The following GOLPH3 variants were observed in gnomAD, a reference collection of about 807,000 sequenced individuals.
GOLPH3 encodes the protein coat protein GPP34.
A neutral mutation model predicts 28.5 loss-of-function variants in GOLPH3; 14 were observed. That is an observed-to-expected ratio of 0.49 (90% CI 0.32 to 0.77). The LOEUF is 0.77. GOLPH3 is among the 30% of genes least tolerant of loss of function. GOLPH3 has a pLI of 0.03. For synonymous variants in GOLPH3, 158 were observed against 159.2 expected (o/e 0.99, Z 0.06); for missense variants, 350 against 393.7 (o/e 0.89, Z 0.94).
chr5:32,169,340 TG>T (rs1746782359), intron 1 of GOLPH3, among the ~76,000 whole-genome samples: 1 of 152,060 alleles, frequency 6.6e-6, no homozygotes, highest in South Asian at 2.1e-4. Context: ...AGCGAAGACC[TG>T]GGGAGGAGTT....
chr5:32,151,508 C>G (rs765484200), intron 1 of GOLPH3, among the ~76,000 whole-genome samples: 1 of 151,604 alleles, frequency 6.6e-6, no homozygotes, highest in Non-Finnish European at 1.5e-5. Flanking sequence ...GATCCTGTCT[C>G]AAAAAAATAT....
intron 1 of GOLPH3, among the ~76,000 whole-genome samples, chr5:32,147,987 G>C (rs967833728): frequency 6.6e-6 from 1 of 152,134 alleles, no homozygotes; most frequent in Non-Finnish European, 1.5e-5. Flanking sequence ...CTGGCAATTA[G>C]TAATTACTTA....
chr5:32,173,887 C>T lies in GOLPH3; in HGVS notation c.148G>A (p.Asp50Asn). ...AQSRRDEQDD[D>N]DKGDSKETRL... ...GTTTCCTTGGAGTCGCCCTTGTCGT[C>T]GTCGTCCTGCTCGTCGCGGCGGCTC... The change falls in exon 1 of 4, where the codon GAC (aspartate) becomes AAC (asparagine). Residue 50 changes from aspartate (D) to asparagine (N), a missense_variant. Transcript: ENST00000265070. 1 of 1,524,202 alleles carries T rather than the reference C, an allele frequency of 6.6e-7. No homozygotes were observed. 94.4% of individuals were successfully genotyped at this position (1,524,202 alleles called of 1,614,324 possible).
chr5:32,127,825 A>G (rs1745716096), intron 3 of GOLPH3, among the ~76,000 whole-genome samples: 2 of 152,198 alleles, frequency 1.3e-5, no homozygotes. Context: ...TCCATAAAAT[A>G]TACGAAAAAA....
chr5:32,143,498 C>G (rs984394282), intron 2 of GOLPH3, among the ~76,000 whole-genome samples: 5 of 151,786 alleles, frequency 3.3e-5, no homozygotes, highest in Non-Finnish European at 7.4e-5. Flanking sequence ...TAAATAAAAG[C>G]TGCAAATGAA....
chr5:32,135,543 TG>T, intron 3 of GOLPH3, 28 bp downstream of exon 3: 1 of 1,288,932 alleles, frequency 7.8e-7, no homozygotes, highest in Non-Finnish European at 1.1e-6. Context: ...AAACAGAAGT[TG>T]GTTTTTGGTT....
chr5:32,126,696 T>A, intron 3 of GOLPH3, 60 bp from the exon 4 acceptor site: 1 of 1,329,520 alleles, frequency 7.5e-7, no homozygotes, highest in South Asian at 1.4e-5. Flanking sequence ...TTTGCAAAAA[T>A]TTTGTACTAT....
At chr5:32,162,502 A>G (rs2111889051) in intron 1 of GOLPH3, among the ~76,000 whole-genome samples, 1 of 152,182 alleles carries the variant, frequency 6.6e-6, no homozygotes, top group African/African-American at 2.4e-5. Flanking sequence ...AAAAAAAAAA[A>G]AAATTAAAAT....
chr5:32,139,528 ATCTT>A (rs1480693155), intron 2 of GOLPH3, among the ~76,000 whole-genome samples: 3 of 152,212 alleles, frequency 2.0e-5, no homozygotes, highest in Non-Finnish European at 4.4e-5. Context: ...CTCCTCACTG[ATCTT>A]TCTAACAGAC....
At chr5:32,128,555 C>A (rs899824202) in intron 3 of GOLPH3, among the ~76,000 whole-genome samples, 4 of 151,990 alleles carry the variant, frequency 2.6e-5, no homozygotes, top group South Asian at 2.1e-4. Context: ...GCTACTCGGA[C>A]GGCTGAGGCA....
At chr5:32,171,311 A>G (rs1173693328) in intron 1 of GOLPH3, among the ~76,000 whole-genome samples, 1 of 152,140 alleles carries the variant, frequency 6.6e-6, no homozygotes, top group African/African-American at 2.4e-5. Flanking sequence ...AAAATTTCAT[A>G]ATGTTTTAAG....
Position 32,126,276 on chromosome 5 carries a change from A to G in GOLPH3, c.833T>C (p.Val278Ala). 1.9e-6 allele frequency: 3 copies of G among 1,614,166 alleles called. No homozygotes were observed. Among genetic ancestry groups the G allele is most frequent in the Non-Finnish European group, 2.5e-6 (3 of 1,180,022 alleles). Reference protein sequence around the residue: ...VRQLLDLDPEVECLKANTNEV... With the variant: ...VRQLLDLDPEAECLKANTNEV... ...ATTGGTGTTGGCCTTCAGACATTCC[A>G]CTTCAGGGTCTAAGTCGAGAAGCTG... The change falls in exon 4 of 4, where the codon GTG (valine) becomes GCG (alanine). Residue 278 changes from valine (V) to alanine (A), a missense_variant. Val to Ala is a moderately conservative substitution (Grantham distance 64, BLOSUM62 0). Coordinates refer to ENST00000265070, the MANE Select transcript of GOLPH3 (RefSeq NM_022130.4).
chr5:32,155,845 T>C (rs766697862), intron 1 of GOLPH3, among the ~76,000 whole-genome samples: 3 of 150,836 alleles, frequency 2.0e-5, no homozygotes, highest in African/African-American at 7.3e-5. Flanking sequence ...TAATCCCAGC[T>C]ACTTGGGAGG....
rs769373613 is a variant in GOLPH3, at chr5:32,173,890, C to G, written c.145G>C (p.Asp49His). ...DAQSRRDEQD[D>H]DDKGDSKETR... is the part of the protein sequence containing the mutation. ...TCCTTGGAGTCGCCCTTGTCGTCGTCGTCCTGCTCGTCGCGGCGGCTCTGC... is the reference window on the plus strand; with the variant it reads ...TCCTTGGAGTCGCCCTTGTCGTCGTGGTCCTGCTCGTCGCGGCGGCTCTGC... The change falls in exon 1 of 4, where the codon GAC becomes CAC. Residue 49 changes from aspartate (D) to histidine (H), a missense_variant. Transcript: ENST00000265070. The G allele has an allele frequency of 2.0e-6, 3 of 1,521,474 alleles. No individual in the cohort carries two copies. Among genetic ancestry groups the G allele is most frequent in the Non-Finnish European group, 2.6e-6 (3 of 1,137,784 alleles). 94.2% of individuals were successfully genotyped at this position (1,521,474 alleles called of 1,614,324 possible). A position where few individuals can be genotyped will look rare whatever the true frequency, so the allele number is the denominator to read the frequency against.
intron 1 of GOLPH3, among the ~76,000 whole-genome samples, chr5:32,147,130 C>T (rs761509725): frequency 2.6e-5 from 4 of 152,058 alleles, no homozygotes; most frequent in South Asian, 2.1e-4. Flanking sequence ...TGACACAATT[C>T]TTATGGGCCT....
At chr5:32,136,147 C>T (rs1581539257) in intron 2 of GOLPH3, among the ~76,000 whole-genome samples, 1 of 148,540 alleles carries the variant, frequency 6.7e-6, no homozygotes, top group South Asian at 2.1e-4. Flanking sequence ...TGCACTCCAC[C>T]CTGGACGAAA....
At chr5:32,141,743 AGG>A (rs1163051008) in intron 2 of GOLPH3, among the ~76,000 whole-genome samples, 1 of 152,116 alleles carries the variant, frequency 6.6e-6, no homozygotes, top group East Asian at 1.9e-4. Context: ...CTGCGATTGC[AGG>A]CGCGCGCCGC....
At chr5:32,161,592 C>G (rs1230613274) in intron 1 of GOLPH3, among the ~76,000 whole-genome samples, 1 of 151,162 alleles carries the variant, frequency 6.6e-6, no homozygotes, top group African/African-American at 2.5e-5. Flanking sequence ...TTTACATGTG[C>G]TATTTTATTT....
chr5:32,127,735 C>A (rs143850393), intron 3 of GOLPH3, among the ~76,000 whole-genome samples: 1 of 152,234 alleles, frequency 6.6e-6, no homozygotes, highest in East Asian at 1.9e-4. Flanking sequence ...CAATTATTTT[C>A]CTATACTTAA....
Sources: allele counts gnomAD v4.1 joint callset (sites outside exome capture counted in the v4.1 genomes callset), GRCh38; gene constraint gnomAD v4.1.1; transcripts MANE v1.5; gene names NCBI Gene and HGNC (gene_info 2026-07-23, HGNC 2026-07-21).